Variants in LRRC4C observed in about 807,000 individuals in gnomAD.
The protein encoded by LRRC4C is leucine rich repeat containing 4C.
LRRC4C carries 5 observed loss-of-function variants against 33.6 expected under a neutral mutation model. The ratio of observed to expected loss-of-function variants is 0.15; its 90% CI spans 0.08 to 0.31. The LOEUF is 0.31. Among genes scored for constraint, LRRC4C ranks in the 10% least tolerant of loss-of-function variants. LRRC4C has a pLI of 1.00. For synonymous variants in LRRC4C, 329 were observed against 302.0 expected (o/e 1.09, Z -0.93); for missense variants, 560 against 796.7 (o/e 0.70, Z 3.58).
chr11:40,908,539 A>C (rs1207337471), intron 2 of LRRC4C, among the ~76,000 whole-genome samples: 2 of 152,180 alleles, frequency 1.3e-5, no homozygotes, highest in East Asian at 1.9e-4. Context: ...AAAAGTGGTA[A>C]ATGAAAAATA....
chr11:41,107,008 T>C (rs1373194451), intron 1 of LRRC4C, among the ~76,000 whole-genome samples: 3 of 25,390 alleles, frequency 1.2e-4, no homozygotes, highest in Admixed American at 4.7e-4. Context: ...TGAAACCTCA[T>C]CTTTAAAAAA....
chr11:40,333,151 T>G (rs1946436665), intron 3 of LRRC4C, among the ~76,000 whole-genome samples: 1 of 152,202 alleles, frequency 6.6e-6, no homozygotes, highest in Non-Finnish European at 1.5e-5. Context: ...TTTCAATTTT[T>G]TTTTGAACTC....
At chr11:40,568,154 C>A (rs188855732) in intron 3 of LRRC4C, among the ~76,000 whole-genome samples, 13 of 152,284 alleles carry the variant, frequency 8.5e-5, no homozygotes, top group African/African-American at 3.1e-4. Context: ...AAATATTATG[C>A]CTTCTGTTTT....
chr11:40,698,810 G>T (rs569043596), intron 2 of LRRC4C, among the ~76,000 whole-genome samples: 27 of 152,202 alleles, frequency 1.8e-4, no homozygotes, highest in Admixed American at 1.2e-3. Flanking sequence ...AGAGAAATGA[G>T]AATCAAGTGA....
intron 1 of LRRC4C, among the ~76,000 whole-genome samples, chr11:41,252,969 C>A (rs1391207211): frequency 6.6e-6 from 1 of 152,130 alleles, no homozygotes; most frequent in East Asian, 1.9e-4. Flanking sequence ...ATGGGAGCTA[C>A]AATTCAAGAT....
intron 4 of LRRC4C, among the ~76,000 whole-genome samples, chr11:40,313,522 T>A (rs1353302317): frequency 6.7e-6 from 1 of 149,410 alleles, no homozygotes; most frequent in Admixed American, 6.6e-5. Context: ...AAAAATCTAC[T>A]CAAATGGATC....
intron 3 of LRRC4C, among the ~76,000 whole-genome samples, chr11:40,579,215 G>A (rs1958354030): frequency 6.6e-6 from 1 of 151,862 alleles, no homozygotes; most frequent in African/African-American, 2.4e-5. Flanking sequence ...ATGTGCCTGT[G>A]GTTCCAGCTA....
In LRRC4C at chr11:40,652,528, G is replaced by A. The variant is rs183734946; in HGVS notation, c.-406-4250C>T. Among the ~76,000 whole-genome samples the A allele has an allele frequency of 2.3e-3, 357 of 152,256 alleles. 1 individual carries two copies. The highest frequency in any genetic ancestry group is 3.9e-3 in the Non-Finnish European group (264 of 67,998). On this transcript the variant is annotated intron_variant, in intron 2 of 6. Transcript: ENST00000528697. Reference sequence around the variant, plus strand: ...TCAGAGAAAGTAGTGTTTAAAAAATGTAACAGCACTAAAGAATAGGAAGAG... The same window carrying A: ...TCAGAGAAAGTAGTGTTTAAAAAATATAACAGCACTAAAGAATAGGAAGAG...
chr11:40,287,618 A>AT (rs1211805369), intron 4 of LRRC4C, among the ~76,000 whole-genome samples: 1 of 152,184 alleles, frequency 6.6e-6, no homozygotes, highest in Non-Finnish European at 1.5e-5. Context: ...CTCCACAAAA[A>AT]TTATTTTGAA....
At chr11:40,914,731 T>C (rs1241480518) in intron 2 of LRRC4C, among the ~76,000 whole-genome samples, 1 of 152,150 alleles carries the variant, frequency 6.6e-6, no homozygotes, top group Admixed American at 6.5e-5. Flanking sequence ...TAAAGGGTAT[T>C]CAATTAGGAA....
chr11:40,705,411 G>T (rs2136525622), intron 2 of LRRC4C, among the ~76,000 whole-genome samples: 1 of 151,946 alleles, frequency 6.6e-6, no homozygotes, highest in African/African-American at 2.4e-5. Context: ...CTGTGTCCAA[G>T]TGTTCTCATG....
rs72091259 is a variant in LRRC4C at position 40,495,291 on chromosome 11, GCC to G, written c.-270+152849_-270+152850del. 3.3e-5 allele frequency among the ~76,000 whole-genome samples: 5 copies of G among 151,496 alleles called. No individual in the cohort carries two copies. In the South Asian group the frequency reaches 6.3e-4, roughly 19 times the overall value. On this transcript the variant is annotated intron_variant, in intron 3 of 6. Coordinates refer to ENST00000528697, the MANE Select transcript of LRRC4C (RefSeq NM_001258419.2). ...GGCAAAACAAACGAACAACCTCTCC[GCC>G]CCCCCCGCCAGAAAAAAATTAATAA...
intron 1 of LRRC4C, among the ~76,000 whole-genome samples, chr11:41,408,506 T>C (rs1954326568): frequency 6.6e-6 from 1 of 152,130 alleles, no homozygotes; most frequent in Non-Finnish European, 1.5e-5. Flanking sequence ...ATCCCACCTG[T>C]ACCTTAGGCT....
At chr11:41,282,846 G>T (rs1044328130) in intron 1 of LRRC4C, among the ~76,000 whole-genome samples, 1 of 152,116 alleles carries the variant, frequency 6.6e-6, no homozygotes, top group African/African-American at 2.4e-5. Flanking sequence ...CAGCTGGGCA[G>T]CCCTCAGCCT....
Position 40,382,684 on chromosome 11 carries a change from A to ATTTTT in LRRC4C, c.-269-62968_-269-62964dup, listed in dbSNP as rs35200000. 4.1e-4 allele frequency among the ~76,000 whole-genome samples: 27 copies of ATTTTT among 65,546 alleles called. 3 individuals carry two copies. The highest frequency in any genetic ancestry group is 1.3e-3 in the African/African-American group (20 of 15,644). The allele number at this position is 65,546 out of a possible 152,430, so 43.0% of individuals were successfully genotyped here. Reference sequence around the variant, plus strand: ...TTTTGCACAACTAAAACTTGTACTCATTTTTTTTTTTTTTTTTTTTTTTTT... The same window carrying ATTTTT: ...TTTTGCACAACTAAAACTTGTACTCATTTTTTTTTTTTTTTTTTTTTTTTTTTTTT... On this transcript the variant is annotated intron_variant, in intron 3 of 6. Coordinates refer to ENST00000528697, the MANE Select transcript of LRRC4C (RefSeq NM_001258419.2).
intron 1 of LRRC4C, among the ~76,000 whole-genome samples, chr11:41,100,363 C>G (rs1308301687): frequency 1.3e-5 from 2 of 151,882 alleles, no homozygotes; most frequent in African/African-American, 4.8e-5. Context: ...GTCAGGAGTT[C>G]AAGACCAGAT....
At chr11:40,868,641 G>A (rs147305941) in intron 2 of LRRC4C, among the ~76,000 whole-genome samples, 14 of 152,214 alleles carry the variant, frequency 9.2e-5, no homozygotes, top group African/African-American at 3.1e-4. Flanking sequence ...TTGAAGCAGA[G>A]CCACTTCCCT....
chr11:41,281,042 TTCTCTCTCTCTC>T (rs71063910), intron 1 of LRRC4C, among the ~76,000 whole-genome samples: 1 of 76,192 alleles, frequency 1.3e-5, no homozygotes, highest in Non-Finnish European at 2.3e-5. Flanking sequence ...AATACATATT[TTCTCTCTCTCTC>T]TCTCTCTCTC....
chr11:40,492,013 TTA>T (rs1350924658), intron 3 of LRRC4C, among the ~76,000 whole-genome samples: 2 of 152,162 alleles, frequency 1.3e-5, no homozygotes, highest in Non-Finnish European at 2.9e-5. Flanking sequence ...TTGACACAGT[TTA>T]TTAGAGACTA....
Sources: gnomAD v4.1 joint callset for allele counts (sites outside exome capture counted in the v4.1 genomes callset) on GRCh38, gnomAD v4.1.1 for gene constraint, MANE v1.5 for transcripts, NCBI Gene and HGNC (gene_info 2026-07-23, HGNC 2026-07-21) for gene names.